The following RAB25 variants were observed in gnomAD, a reference collection of about 807,000 sequenced individuals.
The protein encoded by RAB25 is RAB25, member RAS oncogene family.
RAB25 carries 23 observed loss-of-function variants against 25.2 expected under a neutral mutation model. The ratio of observed to expected loss-of-function variants is 0.91; its 90% confidence interval spans 0.66 to 1.29. The LOEUF (loss-of-function observed/expected upper bound fraction) is 1.29. Ranked by LOEUF, RAB25 falls within the 50% of genes most tolerant of loss-of-function variation. RAB25 has a pLI of 0.00. For missense variants in RAB25, 244 were observed against 277.3 expected (o/e 0.88, Z 0.85); for synonymous variants, 102 against 111.5 (o/e 0.91, Z 0.54).
In RAB25 at chr1:156,066,092, A is replaced by C. The variant is rs61758743; in HGVS notation, c.225A>C (p.Arg75=). The change falls in exon 2 of 5, where the codon CGA becomes CGC. Residue 75 remains arginine, a synonymous_variant. Coordinates refer to ENST00000361084, the MANE Select transcript of RAB25 (RefSeq NM_020387.4). ...IWDTAGLERY[R]AITSAYYRGA... is the part of the protein sequence containing the mutation. ...ACACAGCTGGCCTGGAGCGGTACCG[A>C]GCCATCACCTCGGCGTGAGCCCGGG... is the stretch of plus-strand genomic sequence containing the variant. The C allele has an allele frequency of 1.1e-4, 178 of 1,592,502 alleles. No individual in the cohort carries two copies. Among genetic ancestry groups the C allele is most frequent in the Admixed American group, 3.4e-4 (20 of 58,998 alleles).
chr1:156,070,201 C>T lies in RAB25; in HGVS notation c.556C>T (p.Arg186Trp), dbSNP rs772732409. 1.5e-5 allele frequency: 25 copies of T among 1,613,968 alleles called. No individual in the cohort carries two copies. In the Middle Eastern group the frequency reaches 8.2e-4, roughly 53 times the overall value. Residue 186 changes from arginine (R) to tryptophan (W), a missense_variant, in exon 5 of 5, where the codon CGG becomes TGG. By Grantham distance (101) the Arg-to-Trp change is moderately radical. Transcript: ENST00000361084. ...GTCCAAGCAGAGACAGAACAGCATC[C>T]GGACCAATGCCATCACTCTGGGCAG... Reference protein sequence around the residue: ...KVSKQRQNSIRTNAITLGSAQ... With the variant: ...KVSKQRQNSIWTNAITLGSAQ...
intron 2 of RAB25, 130 bp from the exon 3 acceptor site, chr1:156,068,140 G>A (rs894080502): frequency 3.6e-6 from 3 of 829,172 alleles, no homozygotes; most frequent in Non-Finnish European, 5.8e-6. Flanking sequence ...CTGGGCCCCT[G>A]GCCGCAAGTT....
At position 156,070,277 on chromosome 1, in the gene RAB25, T is replaced by C; in HGVS notation, c.632T>C (p.Ile211Thr). 6.2e-7 allele frequency: 1 copy of C among 1,613,796 alleles called. No individual in the cohort carries two copies. The highest frequency in any genetic ancestry group is 8.5e-7 in the Non-Finnish European group (1 of 1,179,822). ...PGPGEKRACC[I>T]SL ...CCTGGGGAGAAGAGGGCCTGTTGCATCAGCCTCTGACCTTGGCCAGCACCA... is the reference window on the plus strand; with the variant it reads ...CCTGGGGAGAAGAGGGCCTGTTGCACCAGCCTCTGACCTTGGCCAGCACCA... The change falls in exon 5 of 5, where the codon ATC becomes ACC. Residue 211 changes from isoleucine (I) to threonine (T), a missense_variant. Ile to Thr is a moderately conservative substitution (Grantham distance 89). Coordinates refer to ENST00000361084, the MANE Select transcript of RAB25 (RefSeq NM_020387.4).
At chr1:156,068,564 GC>G in intron 3 of RAB25, 101 bp downstream of exon 3, 1 of 1,203,024 alleles carries the variant, frequency 8.3e-7, no homozygotes, top group Non-Finnish European at 1.2e-6. Flanking sequence ...CCCTAGCCTG[GC>G]CTTCCTCCAT....
chr1:156,067,976 C>T (rs1374170017), intron 2 of RAB25, among the ~76,000 whole-genome samples: 2 of 152,182 alleles, frequency 1.3e-5, no homozygotes, highest in African/African-American at 4.8e-5. Context: ...TAGTCTTGAA[C>T]TCCTCACCTC....
chr1:156,070,177 T>C lies in RAB25; in HGVS notation c.532T>C (p.Ser178Pro). Residue 178 changes from serine to proline, a missense_variant, in exon 5 of 5, where the codon TCC becomes CCC. Physicochemically the swap from Ser to Pro is moderately conservative, Grantham distance 74 (BLOSUM62 -1). Transcript: ENST00000361084. Reference protein sequence around the residue: ...TVLKEIFAKVSKQRQNSIRTN... With the variant: ...TVLKEIFAKVPKQRQNSIRTN... ...CCTCCCAGAAATCTTTGCGAAGGTG[T>C]CCAAGCAGAGACAGAACAGCATCCG... is the stretch of plus-strand genomic sequence containing the variant. The C allele has an allele frequency of 6.2e-7, 1 of 1,613,982 alleles. No individual in the cohort carries two copies. The highest frequency in any genetic ancestry group is 1.7e-5 in the Admixed American group (1 of 59,994).
Position 156,068,286 on chromosome 1 carries a change from G to T in RAB25, c.256G>T (p.Val86Leu). ...CCCACCCAGGTACTATCGTGGTGCA[G>T]TGGGGGCCCTCCTGGTGTTTGACCT... ...AITSAYYRGA[V>L]GALLVFDLTK... is the part of the protein sequence containing the mutation. The change falls in exon 3 of 5, where the codon GTG (valine) becomes TTG (leucine). Residue 86 changes from valine (V) to leucine (L), a missense_variant. Physicochemically the swap from Val to Leu is conservative, Grantham distance 32 (BLOSUM62 1). Coordinates refer to ENST00000361084, the MANE Select transcript of RAB25 (RefSeq NM_020387.4). 6.2e-7 allele frequency: 1 copy of T among 1,613,208 alleles called. No individual in the cohort carries two copies. Among genetic ancestry groups the T allele is most frequent in the Non-Finnish European group, 8.5e-7 (1 of 1,179,220 alleles).
At chr1:156,068,237 G>GT (rs1647805191) in intron 2 of RAB25, 33 bp from the exon 3 acceptor site, 1 of 1,561,002 alleles carries the variant, frequency 6.4e-7, no homozygotes, top group Non-Finnish European at 8.8e-7. Context: ...GCCTCTGATC[G>GT]TATCTCTGTC....
At chr1:156,069,504 G>A (rs565456681) in intron 3 of RAB25, among the ~76,000 whole-genome samples, 167 bp from the exon 4 acceptor site, 1 of 152,202 alleles carries the variant, frequency 6.6e-6, no homozygotes, top group Non-Finnish European at 1.5e-5. Flanking sequence ...TTGTGTTTCT[G>A]GATTCAGTTT....
Position 156,070,484 on chromosome 1 carries a change from A to C in RAB25, c.*197A>C. On this transcript the variant is annotated 3_prime_UTR_variant, in exon 5 of 5. Transcript: ENST00000361084. ...CACCCCTCACAGACTAGGACCCTCA[A>C]ATAAAGCTGTTTTATATCAATGCCT... 1 of 677,184 alleles carries C rather than the reference A, an allele frequency of 1.5e-6. No individual in the cohort carries two copies. Among genetic ancestry groups the C allele is most frequent in the Non-Finnish European group, 2.4e-6 (1 of 413,932 alleles). 41.9% of individuals were successfully genotyped at this position (677,184 alleles called of 1,614,324 possible). A position where few individuals can be genotyped will look rare whatever the true frequency, so the allele number is the denominator to read the frequency against.
chr1:156,065,980 G>A lies in RAB25; in HGVS notation c.113G>A (p.Ser38Asn), dbSNP rs759131131. ...LLSRFTRNEF[S>N]HDSRTTIGVE... ...TCCCGATTCACGCGCAATGAGTTCAGCCACGACAGCCGCACCACCATCGGG... is the reference window on the plus strand; with the variant it reads ...TCCCGATTCACGCGCAATGAGTTCAACCACGACAGCCGCACCACCATCGGG... The change falls in exon 2 of 5, where the codon AGC becomes AAC. Residue 38 changes from serine to asparagine, a missense_variant. Coordinates refer to ENST00000361084, the MANE Select transcript of RAB25 (RefSeq NM_020387.4). The A allele has an allele frequency of 6.2e-7, 1 of 1,614,032 alleles. No individual in the cohort carries two copies. The highest frequency in any genetic ancestry group is 8.5e-7 in the Non-Finnish European group (1 of 1,179,916).
In RAB25 at chr1:156,065,925, GAATCAGGTGTGGGGAAGACC is replaced by G. The variant is rs781230884; in HGVS notation, c.63_82del (p.Gly22ThrfsTer8). 1 of 1,602,166 alleles carries G rather than the reference GAATCAGGTGTGGGGAAGACC, an allele frequency of 6.2e-7. No individual in the cohort carries two copies. Among genetic ancestry groups the G allele is most frequent in the Non-Finnish European group, 8.5e-7 (1 of 1,171,936 alleles). On this transcript the variant is annotated frameshift_variant, in exon 2 of 5. Coordinates refer to ENST00000361084, the MANE Select transcript of RAB25 (RefSeq NM_020387.4). LOFTEE classifies it high-confidence loss of function. Reference sequence around the variant, plus strand: ...CACTCCTTCAGTGGTGCTGATCGGCGAATCAGGTGTGGGGAAGACCAATCTACTCTCCCGATTCACGCGCA... The same window carrying G: ...CACTCCTTCAGTGGTGCTGATCGGCGAATCTACTCTCCCGATTCACGCGCA...
intron 2 of RAB25, among the ~76,000 whole-genome samples, chr1:156,067,945 G>T (rs561946218): frequency 6.6e-6 from 1 of 152,292 alleles, no homozygotes; most frequent in African/African-American, 2.4e-5. Context: ...TAGAGATGGG[G>T]TTTCTCCATA....
At chr1:156,067,537 G>A (rs924880560) in intron 2 of RAB25, among the ~76,000 whole-genome samples, 2 of 152,228 alleles carry the variant, frequency 1.3e-5, no homozygotes, top group African/African-American at 4.8e-5. Flanking sequence ...CAAGAGGTAG[G>A]CATTCAGCTA....
intron 2 of RAB25, among the ~76,000 whole-genome samples, chr1:156,066,476 A>G (rs1647747777): frequency 1.3e-5 from 2 of 152,222 alleles, no homozygotes; most frequent in Admixed American, 6.5e-5. Context: ...GGGTGGAGCT[A>G]GGATGGGGGC....
At chr1:156,070,074 G>T in intron 4 of RAB25, 86 bp from the exon 5 acceptor site, 1 of 1,598,434 alleles carries the variant, frequency 6.3e-7, no homozygotes, top group African/African-American at 1.3e-5. Flanking sequence ...GCTCAGAAGG[G>T]GCATGCAGTA....
At chr1:156,069,056 A>G (rs567466109) in intron 3 of RAB25, among the ~76,000 whole-genome samples, 1 of 152,180 alleles carries the variant, frequency 6.6e-6, no homozygotes, top group African/African-American at 2.4e-5. Context: ...TAGGCTTCCC[A>G]GGAGTTTTCT....
intron 1 of RAB25, 104 bp from the exon 2 acceptor site, chr1:156,065,807 T>C: frequency 1.1e-6 from 1 of 934,586 alleles, no homozygotes; most frequent in Non-Finnish European, 1.6e-6. Context: ...CCTAATCTTT[T>C]TTCTGAGCTC....
At chr1:156,064,275 C>T (rs1169295409) in intron 1 of RAB25, among the ~76,000 whole-genome samples, 4 of 152,172 alleles carry the variant, frequency 2.6e-5, no homozygotes, top group African/African-American at 9.7e-5. Context: ...CACAATTTCA[C>T]TGTCACCCAG....
Sources: gnomAD v4.1 joint callset for allele counts (sites outside exome capture counted in the v4.1 genomes callset) on GRCh38, gnomAD v4.1.1 for gene constraint, MANE v1.5 for transcripts, NCBI Gene and HGNC (gene_info 2026-07-23, HGNC 2026-07-21) for gene names.